ACTR3C: variants seen among roughly 807,000 people sequenced by gnomAD.
ACTR3C encodes actin-related protein 3C.
A neutral mutation model predicts 26.3 loss-of-function variants in ACTR3C; 18 were observed. That is an observed-to-expected ratio of 0.68 (90% CI 0.47 to 1.01). The LOEUF is 1.01. Among genes scored for constraint, ACTR3C ranks in the 50% least tolerant of loss-of-function variants. ACTR3C has a pLI of 0.00. For synonymous variants in ACTR3C, 55 were observed against 94.5 expected, an observed-to-expected ratio of 0.58 and a Z score of 2.42; for missense variants, 184 against 250.7, an observed-to-expected ratio of 0.73 and a Z score of 1.80.
At chr7:150,127,416 T>C in the ACTR3C span, among the ~76,000 whole-genome samples, 2 of 152,166 alleles carry the variant, frequency 1.3e-5, no homozygotes, top group Non-Finnish European at 2.9e-5. Context: ...TGGCTGCATT[T>C]TACTGAATGT....
chr7:150,172,134 A>G, the ACTR3C span, among the ~76,000 whole-genome samples: 15 of 150,940 alleles, frequency 9.9e-5, 2 homozygotes, highest in African/African-American at 3.5e-4. Flanking sequence ...TAAAAGGGTA[A>G]TAAGAGACTA....
At chr7:149,959,454 CAT>C in the ACTR3C span, among the ~76,000 whole-genome samples, 2 of 152,156 alleles carry the variant, frequency 1.3e-5, no homozygotes, top group African/African-American at 4.8e-5. Flanking sequence ...GAAGATTGCA[CAT>C]GTCTGTGATT....
the ACTR3C span, among the ~76,000 whole-genome samples, chr7:149,980,137 A>T: frequency 2.6e-5 from 4 of 152,374 alleles, no homozygotes; most frequent in East Asian, 7.7e-4. Flanking sequence ...AGCAAAGAAG[A>T]ATTCAAGAAA....
chr7:150,142,942 C>T, the ACTR3C span, among the ~76,000 whole-genome samples: 1 of 152,094 alleles, frequency 6.6e-6, no homozygotes, highest in Admixed American at 6.6e-5. Context: ...TCAAGTGATT[C>T]TTTTGCCTCA....
chr7:150,254,281 C>A (rs1833054764), intron 6 of ACTR3C, among the ~76,000 whole-genome samples: 1 of 152,098 alleles, frequency 6.6e-6, no homozygotes, highest in Non-Finnish European at 1.5e-5. Context: ...AACATTGGAA[C>A]CCTGATCCTA....
intron 2 of ACTR3C, among the ~76,000 whole-genome samples, chr7:150,294,343 T>G (rs1403205641): frequency 2.6e-5 from 4 of 152,228 alleles, no homozygotes; most frequent in Non-Finnish European, 5.9e-5. Flanking sequence ...CCCAAAGCAC[T>G]GAGGGTGGAA....
At chr7:149,926,195 C>T in the ACTR3C span, among the ~76,000 whole-genome samples, 4 of 152,140 alleles carry the variant, frequency 2.6e-5, no homozygotes, top group Non-Finnish European at 5.9e-5. Flanking sequence ...AGAAAACAAA[C>T]TTTGCATGGT....
chr7:150,301,399 T>C (rs1795433068), intron 1 of ACTR3C, among the ~76,000 whole-genome samples: 1 of 152,228 alleles, frequency 6.6e-6, no homozygotes, highest in Non-Finnish European at 1.5e-5. Flanking sequence ...AGATTAACCC[T>C]GGCTCCCTGC....
the ACTR3C span, among the ~76,000 whole-genome samples, chr7:150,187,259 C>T: frequency 1.3e-5 from 2 of 150,726 alleles, no homozygotes; most frequent in East Asian, 3.9e-4. Flanking sequence ...TGTACTCCTC[C>T]AAGCACCTGT....
intron 6 of ACTR3C, among the ~76,000 whole-genome samples, chr7:150,249,307 T>G (rs548589194): frequency 1.3e-5 from 2 of 152,210 alleles, no homozygotes; most frequent in Admixed American, 6.5e-5. Flanking sequence ...CTGCCACTTC[T>G]ATACCCACAG....
the ACTR3C span, among the ~76,000 whole-genome samples, chr7:149,973,681 G>A: frequency 6.6e-6 from 1 of 151,990 alleles, no homozygotes; most frequent in Non-Finnish European, 1.5e-5. Flanking sequence ...TTCGGTCTGC[G>A]GGAGTTCATA....
chr7:150,023,292 T>C, the ACTR3C span, among the ~76,000 whole-genome samples: 1 of 76,176 alleles, frequency 1.3e-5, no homozygotes, highest in African/African-American at 5.0e-5. Flanking sequence ...TGGAGATACA[T>C]AGATAGATAG....
At chr7:150,140,063 CACGTGCACACACAG>C in the ACTR3C span, among the ~76,000 whole-genome samples, 5 of 152,164 alleles carry the variant, frequency 3.3e-5, no homozygotes, top group Middle Eastern at 3.2e-3. Context: ...TGCACACACA[CACGTGCACACACAG>C]ACAGGCTGCT....
the ACTR3C span, among the ~76,000 whole-genome samples, chr7:150,229,508 T>G: frequency 1.3e-5 from 2 of 151,810 alleles, no homozygotes; most frequent in Non-Finnish European, 2.9e-5. Context: ...TTTTTGAGAT[T>G]GAGTTTCACT....
At chr7:150,277,888 C>T (rs958681518) in intron 6 of ACTR3C, among the ~76,000 whole-genome samples, 15 of 152,308 alleles carry the variant, frequency 9.8e-5, no homozygotes, top group African/African-American at 3.6e-4. Flanking sequence ...TTTTCTAGAA[C>T]TTAAGTTGGG....
the ACTR3C span, among the ~76,000 whole-genome samples, chr7:150,189,016 C>A: frequency 6.6e-6 from 1 of 150,992 alleles, no homozygotes; most frequent in Non-Finnish European, 1.5e-5. Flanking sequence ...TGAGTTCACA[C>A]GGATACCACC....
the ACTR3C span, among the ~76,000 whole-genome samples, chr7:150,031,238 CAGAG>C: frequency 6.9e-6 from 1 of 144,390 alleles, no homozygotes; most frequent in Non-Finnish European, 1.5e-5. Context: ...GCCTGGGTAA[CAGAG>C]AGAGACTCTG....
chr7:149,887,425 G>GTGC, the ACTR3C span, among the ~76,000 whole-genome samples: 1 of 152,226 alleles, frequency 6.6e-6, no homozygotes, highest in Non-Finnish European at 1.5e-5. Context: ...CTGTAGGTCT[G>GTGC]TGCTGCCTGC....
chr7:150,113,488 C>T, the ACTR3C span, among the ~76,000 whole-genome samples: 5 of 152,252 alleles, frequency 3.3e-5, no homozygotes, highest in East Asian at 3.9e-4. Flanking sequence ...AGTGATTCAA[C>T]GTAAGTAAAT....
Sources: allele counts gnomAD v4.1 joint callset (sites outside exome capture counted in the v4.1 genomes callset), GRCh38; gene constraint gnomAD v4.1.1; transcripts MANE v1.5; gene names NCBI Gene and HGNC (gene_info 2026-07-23, HGNC 2026-07-21).